The following SLC24A2 variants were observed in gnomAD, a reference collection of about 807,000 sequenced individuals.
SLC24A2 encodes solute carrier family 24 member 2.
In SLC24A2, 36 loss-of-function variants were observed where a neutral mutation model predicts 62.0. That is an observed-to-expected ratio of 0.58 (90% CI 0.44 to 0.77). SLC24A2 has a LOEUF of 0.77. Ranked by LOEUF, SLC24A2 falls within the 30% of genes least tolerant of loss-of-function variation. The probability of loss-of-function intolerance (pLI) is 0.00; values close to 1 mark genes in which losing one functional copy is unlikely to be tolerated. For synonymous variants in SLC24A2, 358 were observed against 294.0 expected, an observed-to-expected ratio of 1.22 and a Z score of -2.23; for missense variants, 846 against 817.9, an observed-to-expected ratio of 1.03 and a Z score of -0.42.
the SLC24A2 span, among the ~76,000 whole-genome samples, chr9:20,088,857 C>A: frequency 6.6e-6 from 1 of 152,168 alleles, no homozygotes; most frequent in Admixed American, 6.5e-5. Flanking sequence ...GAGGGAGAGG[C>A]AGGCTACCAT....
At chr9:20,226,845 G>C in the SLC24A2 span, among the ~76,000 whole-genome samples, 76 of 152,286 alleles carry the variant, frequency 5.0e-4, 1 homozygote, top group African/African-American at 1.8e-3. Context: ...GGGGAAACCT[G>C]ACTGTTTGCA....
chr9:20,190,177 G>C, the SLC24A2 span, among the ~76,000 whole-genome samples: 433 of 152,312 alleles, frequency 2.8e-3, 1 homozygote, highest in African/African-American at 9.7e-3. Context: ...TGGTTGCTCT[G>C]CTGGTATCTT....
rs1366734638 is a variant in SLC24A2, at chr9:19,509,408, T to C, written c.*6745A>G. The C allele has an allele frequency of 1.3e-5, 2 of 152,178 alleles. No homozygotes were observed. The highest frequency in any genetic ancestry group is 2.9e-5 in the Non-Finnish European group (2 of 68,008). 9.4% of individuals were successfully genotyped at this position (152,178 alleles called of 1,614,324 possible). On this transcript the variant is annotated 3_prime_UTR_variant, in exon 11 of 11. Coordinates refer to ENST00000341998, the MANE Select transcript of SLC24A2 (RefSeq NM_020344.4). ...AAAATAGAACAGATAAACTCCAATTTACAATAAACAATACAAAACAGGAAT... is the reference window on the plus strand; with the variant it reads ...AAAATAGAACAGATAAACTCCAATTCACAATAAACAATACAAAACAGGAAT...
intron 2 of SLC24A2, among the ~76,000 whole-genome samples, chr9:19,629,721 T>C (rs568275923): frequency 1.3e-5 from 2 of 152,304 alleles, no homozygotes; most frequent in East Asian, 3.9e-4. Flanking sequence ...ACATTCTATA[T>C]TTAGTTTATT....
intron 7 of SLC24A2, among the ~76,000 whole-genome samples, chr9:19,558,961 C>A (rs375246907): frequency 2.0e-4 from 30 of 152,096 alleles, no homozygotes; most frequent in African/African-American, 6.0e-4. Context: ...GAGAAGGGAT[C>A]GAGAGACAAA....
At chr9:19,754,490 T>C (rs1822076645) in intron 2 of SLC24A2, among the ~76,000 whole-genome samples, 2 of 152,308 alleles carry the variant, frequency 1.3e-5, no homozygotes, top group Non-Finnish European at 2.9e-5. Context: ...CTTCCTGATC[T>C]GCAGAGGCTT....
At chr9:19,695,695 A>C (rs1290824441) in intron 2 of SLC24A2, among the ~76,000 whole-genome samples, 1 of 151,316 alleles carries the variant, frequency 6.6e-6, no homozygotes, top group Non-Finnish European at 1.5e-5. Flanking sequence ...AAAAAAAAAA[A>C]AAAAAAAACC....
the SLC24A2 span, among the ~76,000 whole-genome samples, chr9:20,250,760 T>C: frequency 3.9e-5 from 6 of 152,314 alleles, no homozygotes; most frequent in Admixed American, 1.3e-4. Context: ...ATCTAAAATC[T>C]ACATGGTATC....
the SLC24A2 span, among the ~76,000 whole-genome samples, chr9:19,963,917 C>G: frequency 6.6e-5 from 10 of 152,182 alleles, no homozygotes; most frequent in African/African-American, 2.4e-4. Context: ...GACACATGCA[C>G]ACGTATGTTT....
chr9:20,245,571 C>T, the SLC24A2 span, among the ~76,000 whole-genome samples: 1 of 152,110 alleles, frequency 6.6e-6, no homozygotes, highest in Non-Finnish European at 1.5e-5. Flanking sequence ...GGAAGGTGGA[C>T]CCCCAAGCCA....
At chr9:20,107,730 A>T in the SLC24A2 span, among the ~76,000 whole-genome samples, 1 of 152,100 alleles carries the variant, frequency 6.6e-6, no homozygotes, top group East Asian at 1.9e-4. Flanking sequence ...TAGACCTAAA[A>T]CCATAAAAAC....
intron 2 of SLC24A2, among the ~76,000 whole-genome samples, chr9:19,648,854 G>T (rs1378890209): frequency 6.6e-6 from 1 of 152,094 alleles, no homozygotes; most frequent in Non-Finnish European, 1.5e-5. Context: ...CCACCCACGT[G>T]TGTTGGCAGA....
the SLC24A2 span, among the ~76,000 whole-genome samples, chr9:19,862,831 G>A: frequency 0.62 from 93,445 of 151,596 alleles, 29,313 homozygotes; most frequent in Non-Finnish European, 0.64. Context: ...AAACCAAAAA[G>A]CATGCAATGG....
At chr9:19,950,310 A>G in the SLC24A2 span, among the ~76,000 whole-genome samples, 37 of 152,214 alleles carry the variant, frequency 2.4e-4, no homozygotes, top group Non-Finnish European at 4.6e-4. Context: ...TATTATTTTT[A>G]TTACAAAAAA....
At chr9:20,230,933 G>T in the SLC24A2 span, among the ~76,000 whole-genome samples, 1 of 152,166 alleles carries the variant, frequency 6.6e-6, no homozygotes, top group African/African-American at 2.4e-5. Context: ...AAGTGATCCA[G>T]TCTCAGCTTT....
the SLC24A2 span, among the ~76,000 whole-genome samples, chr9:20,200,920 G>T: frequency 6.6e-6 from 1 of 152,174 alleles, no homozygotes; most frequent in Admixed American, 6.5e-5. Flanking sequence ...GTTTTGTTCT[G>T]TAGCTCATTA....
At chr9:19,876,609 T>C in the SLC24A2 span, among the ~76,000 whole-genome samples, 35 of 152,296 alleles carry the variant, frequency 2.3e-4, 1 homozygote, top group East Asian at 4.6e-3. Flanking sequence ...GTGAGGATCA[T>C]TGTAAGAAAT....
chr9:20,290,751 TC>T, the SLC24A2 span, among the ~76,000 whole-genome samples: 9 of 152,154 alleles, frequency 5.9e-5, no homozygotes, highest in East Asian at 1.4e-3. Context: ...GCTGTGGAAG[TC>T]CAGTGCAGGC....
the SLC24A2 span, among the ~76,000 whole-genome samples, chr9:19,853,270 TTC>T: frequency 6.6e-6 from 1 of 152,200 alleles, no homozygotes; most frequent in Non-Finnish European, 1.5e-5. Flanking sequence ...CTATTTGACT[TTC>T]TCTCTTCTTA....
Sources: allele counts gnomAD v4.1 joint callset (sites outside exome capture counted in the v4.1 genomes callset), GRCh38; gene constraint gnomAD v4.1.1; transcripts MANE v1.5; gene names NCBI Gene and HGNC (gene_info 2026-07-23, HGNC 2026-07-21).